FABP6: variants seen among roughly 807,000 people sequenced by gnomAD.
The protein encoded by FABP6 is gastrotropin.
A neutral mutation model predicts 14.9 loss-of-function variants in FABP6; 13 were observed. The ratio of observed to expected loss-of-function variants is 0.87; its 90% confidence interval spans 0.57 to 1.39. FABP6 has a LOEUF of 1.39. FABP6 is among the 40% of genes most tolerant of loss of function. The pLI is 0.00. For missense variants in FABP6, 161 were observed against 167.2 expected (o/e 0.96, Z 0.20); for synonymous variants, 75 against 63.6 (o/e 1.18, Z -0.85).
chr5:160,218,617 T>C (rs1263656582), intron 3 of FABP6, among the ~76,000 whole-genome samples: 2 of 151,996 alleles, frequency 1.3e-5, no homozygotes, highest in Non-Finnish European at 2.9e-5. Flanking sequence ...CCCGCCACCA[T>C]GCCTGGCTAA....
At chr5:160,211,858 G>A (rs994078968) in intron 2 of FABP6, among the ~76,000 whole-genome samples, 4 of 152,172 alleles carry the variant, frequency 2.6e-5, no homozygotes, top group Non-Finnish European at 5.9e-5. Flanking sequence ...ACACTGCACA[G>A]TTATAGGCCC....
chr5:160,215,603 G>T (rs1347578842), intron 3 of FABP6, among the ~76,000 whole-genome samples: 1 of 151,624 alleles, frequency 6.6e-6, no homozygotes, highest in Non-Finnish European at 1.5e-5. Context: ...CAGAAGGATT[G>T]CCTGAGCCCA....
intron 1 of FABP6, 45 bp downstream of exon 1, chr5:160,229,669 C>T (rs1279405213): frequency 6.3e-7 from 1 of 1,581,126 alleles, no homozygotes; most frequent in Non-Finnish European, 8.7e-7. Context: ...TGGTTTGTCA[C>T]AGCCAGCTCT....
Position 160,238,460 on chromosome 5 carries a change from A to C in FABP6, c.334-146A>C, listed in dbSNP as rs1036788035. 4 of 651,258 alleles carry C rather than the reference A, an allele frequency of 6.1e-6. No individual in the cohort carries two copies. In the South Asian group the frequency reaches 7.3e-5, roughly 12 times the overall value. 40.3% of individuals were successfully genotyped at this position (651,258 alleles called of 1,614,324 possible). On this transcript the variant is annotated intron_variant, in intron 3 of 3. Coordinates refer to ENST00000402432, the MANE Select transcript of FABP6 (RefSeq NM_001445.3). ...AGTCTTCACACTGACTCCTGGAACA[A>C]ATTGGGAAACTGAGGCCGAAAGAAG...
At chr5:160,193,098 G>A (rs574520768) in intron 1 of FABP6, among the ~76,000 whole-genome samples, 9 of 152,334 alleles carry the variant, frequency 5.9e-5, no homozygotes, top group African/African-American at 1.2e-4. Context: ...ATGAAGCCAC[G>A]GACCCTTGCG....
upstream of FABP6, among the ~76,000 whole-genome samples, chr5:160,227,566 G>A (rs1014910673): frequency 4.0e-5 from 6 of 148,654 alleles, no homozygotes; most frequent in Admixed American, 4.1e-4. Context: ...TGTACTTGTA[G>A]TCCCAGCTGT....
At chr5:160,211,974 A>G (rs1462343619) in intron 2 of FABP6, among the ~76,000 whole-genome samples, 1 of 140,362 alleles carries the variant, frequency 7.1e-6, no homozygotes, top group Non-Finnish European at 1.5e-5. Flanking sequence ...GTGCCTTCCT[A>G]TGCAAGTTCT....
At chr5:160,206,921 A>G (rs1201129042) in intron 2 of FABP6, among the ~76,000 whole-genome samples, 1 of 152,222 alleles carries the variant, frequency 6.6e-6, no homozygotes, top group East Asian at 1.9e-4. Flanking sequence ...TCAAAGGCGA[A>G]AAAAACCTTA....
chr5:160,198,700 A>T (rs1458899363), intron 1 of FABP6: 1 of 183,092 alleles, frequency 5.5e-6, no homozygotes, highest in African/African-American at 2.4e-5. Context: ...GCTTTTTACC[A>T]ACTGAGGCGT....
At chr5:160,209,236 G>A (rs541429175) in intron 2 of FABP6, among the ~76,000 whole-genome samples, 1 of 152,068 alleles carries the variant, frequency 6.6e-6, no homozygotes, top group Non-Finnish European at 1.5e-5. Flanking sequence ...ATAAATAAAG[G>A]TCTGGTGTGG....
intron 1 of FABP6, chr5:160,198,868 T>C: frequency 1.8e-6 from 1 of 561,070 alleles, no homozygotes; most frequent in Non-Finnish European, 3.2e-6. Context: ...TACAGCACTT[T>C]TGACTTTATC....
chr5:160,226,424 G>A (rs1760248436), upstream of FABP6, among the ~76,000 whole-genome samples: 1 of 151,414 alleles, frequency 6.6e-6, no homozygotes, highest in Non-Finnish European at 1.5e-5. Flanking sequence ...AGCCGGGCAT[G>A]ATGGTGGGCA....
intron 3 of FABP6, among the ~76,000 whole-genome samples, chr5:160,217,845 G>C (rs1277061928): frequency 6.6e-6 from 1 of 151,860 alleles, no homozygotes; most frequent in African/African-American, 2.4e-5. Flanking sequence ...GTCTCCCTAT[G>C]TTGCCCAGGC....
chr5:160,206,700 G>A (rs1334231848), intron 2 of FABP6, among the ~76,000 whole-genome samples: 1 of 152,128 alleles, frequency 6.6e-6, no homozygotes, highest in Non-Finnish European at 1.5e-5. Context: ...CAGCCACAAA[G>A]TGCATACCCA....
At chr5:160,238,259 T>C (rs1760562175) in intron 3 of FABP6, among the ~76,000 whole-genome samples, 1 of 152,210 alleles carries the variant, frequency 6.6e-6, no homozygotes, top group African/African-American at 2.4e-5. Flanking sequence ...TTGACTTCTC[T>C]AAACTTCAAT....
At chr5:160,202,098 C>G (rs1759654001) in intron 2 of FABP6, among the ~76,000 whole-genome samples, 2 of 151,406 alleles carry the variant, frequency 1.3e-5, no homozygotes, top group South Asian at 4.2e-4. Context: ...TTTATTCTTT[C>G]ACCAAATGTG....
intron 1 of FABP6, among the ~76,000 whole-genome samples, chr5:160,193,948 C>T (rs890808050): frequency 2.2e-4 from 34 of 152,316 alleles, no homozygotes; most frequent in Admixed American, 2.1e-3. Context: ...GGGCAGGGGG[C>T]GGCGCTCGTC....
At chr5:160,234,793 A>G in intron 2 of FABP6, 27 bp from the exon 3 acceptor site, 1 of 1,566,464 alleles carries the variant, frequency 6.4e-7, no homozygotes, top group African/African-American at 1.4e-5. Flanking sequence ...GCAACAACCC[A>G]GGCTTAATGT....
intron 3 of FABP6, among the ~76,000 whole-genome samples, chr5:160,219,923 C>T (rs1421520460): frequency 2.0e-5 from 3 of 152,134 alleles, no homozygotes; most frequent in Admixed American, 6.6e-5. Context: ...TTTTCACAAG[C>T]CCTCCCTTCC....
Sources: gnomAD v4.1 joint callset for allele counts (sites outside exome capture counted in the v4.1 genomes callset) on GRCh38, gnomAD v4.1.1 for gene constraint, MANE v1.5 for transcripts, NCBI Gene and HGNC (gene_info 2026-07-23, HGNC 2026-07-21) for gene names.